Variants in DNAAF1 observed in about 807,000 individuals in gnomAD.
DNAAF1 encodes the protein dynein axonemal assembly factor 1.
In DNAAF1, 65 loss-of-function variants were observed where a neutral mutation model predicts 71.1. The ratio of observed to expected loss-of-function variants is 0.91; its 90% confidence interval spans 0.75 to 1.12. The LOEUF (loss-of-function observed/expected upper bound fraction) is 1.12. Among genes scored for constraint, DNAAF1 ranks in the 50% most tolerant of loss-of-function variants. The pLI is 0.00. For synonymous variants in DNAAF1, 414 were observed against 354.6 expected, an observed-to-expected ratio of 1.17 and a Z score of -1.88; for missense variants, 1,178 against 899.8, an observed-to-expected ratio of 1.31 and a Z score of -3.96.
chr16:84,156,546 T>G lies in DNAAF1; in HGVS notation c.741+797T>G, dbSNP rs555723578. Among the ~76,000 whole-genome samples, 6 of 152,222 alleles carry G rather than the reference T, an allele frequency of 3.9e-5. No homozygotes were observed. In the South Asian group the frequency reaches 1.2e-3, roughly 31 times the overall value. ...AAGATTCACTAGTGGGTTCAGATATTGTCAGCCTGGTCTAGCCATTATGAA... is the reference window on the plus strand; with the variant it reads ...AAGATTCACTAGTGGGTTCAGATATGGTCAGCCTGGTCTAGCCATTATGAA... On this transcript the variant is annotated intron_variant, in intron 5 of 11. Coordinates refer to ENST00000378553, the MANE Select transcript of DNAAF1 (RefSeq NM_178452.6).
chr16:84,165,881 T>C lies in DNAAF1; in HGVS notation c.962T>C (p.Ile321Thr), dbSNP rs367822030. Reference sequence around the variant, plus strand: ...GAGCGGAAGAAGATCACAGACAGCATTGAAGCCTTGGCCATGATCAAGCAG... The same window carrying C: ...GAGCGGAAGAAGATCACAGACAGCACTGAAGCCTTGGCCATGATCAAGCAG... ...SRERKKITDS[I>T]EALAMIKQRA... The change falls in exon 7 of 12, where the codon ATT becomes ACT. Residue 321 changes from isoleucine (I) to threonine (T), a missense_variant. Ile to Thr is a moderately conservative substitution (Grantham distance 89). Coordinates refer to ENST00000378553, the MANE Select transcript of DNAAF1 (RefSeq NM_178452.6). 23 of 1,613,292 alleles carry C rather than the reference T, an allele frequency of 1.4e-5. No homozygotes were observed. In the Middle Eastern group the frequency reaches 5.0e-4, roughly 35 times the overall value.
At chr16:84,167,835 G>C (rs1427731983) in intron 7 of DNAAF1, among the ~76,000 whole-genome samples, 2 of 152,194 alleles carry the variant, frequency 1.3e-5, no homozygotes, top group East Asian at 3.9e-4. Context: ...GAACAACATG[G>C]AGAAACCCCG....
Position 84,170,647 on chromosome 16 carries a change from A to AAT in DNAAF1, c.1528+293_1528+294dup, listed in dbSNP as rs5818485. 0.31 allele frequency among the ~76,000 whole-genome samples: 46,883 copies of AAT among 151,678 alleles called. 7,795 individuals carry two copies. Among genetic ancestry groups the AAT allele is most frequent in the Non-Finnish European group, 0.37 (25,210 of 67,826 alleles). On this transcript the variant is annotated intron_variant, in intron 8 of 11. Transcript: ENST00000378553. ...CCAGGAGTTTCAGACCAGCCTCAGAAATACAGAGACCTCATCCCTACCAAA... is the reference window on the plus strand; with the variant it reads ...CCAGGAGTTTCAGACCAGCCTCAGAAATATACAGAGACCTCATCCCTACCAAA...
intron 7 of DNAAF1, among the ~76,000 whole-genome samples, chr16:84,166,370 CTT>C (rs535417461): frequency 2.5e-5 from 3 of 118,824 alleles, no homozygotes; most frequent in East Asian, 2.3e-4. Flanking sequence ...TTCTTTTTTT[CTT>C]TTTTTTTTTT....
At chr16:84,174,846 C>G in intron 10 of DNAAF1, 124 bp downstream of exon 10, 2 of 1,225,752 alleles carry the variant, frequency 1.6e-6, no homozygotes, top group Non-Finnish European at 2.4e-6. Context: ...TTGAATTCCC[C>G]CATATTCTTT....
intron 2 of DNAAF1, among the ~76,000 whole-genome samples, chr16:84,149,850 C>T (rs1399481012): frequency 7.4e-6 from 1 of 135,480 alleles, no homozygotes; most frequent in African/African-American, 2.6e-5. Flanking sequence ...CATGGTGAAA[C>T]CCCCCCTCTA....
chr16:84,148,343 G>C (rs2087011019), intron 1 of DNAAF1, among the ~76,000 whole-genome samples: 1 of 151,936 alleles, frequency 6.6e-6, no homozygotes, highest in Non-Finnish European at 1.5e-5. Context: ...TGTAGTTCTA[G>C]TGCATTCTTC....
At position 84,177,803 on chromosome 16, in the gene DNAAF1, T is replaced by TG. The variant is rs778862178; in HGVS notation, c.2143dup (p.Asp715GlyfsTer19). On this transcript the variant is annotated frameshift_variant, in exon 12 of 12. Transcript: ENST00000378553. LOFTEE classifies it low-confidence loss of function (END_TRUNC). ...CCAGCCCAGCCAAGCTCTGCCCACG[T>TG]GGGACCTCACTGCATTCCCAGCACC... The TG allele has an allele frequency of 3.7e-6, 6 of 1,614,010 alleles. No homozygotes were observed. The Admixed American group carries it at 8.3e-5, about 22-fold the overall frequency.
At chr16:84,174,390 C>G in intron 9 of DNAAF1, 3 of 1,337,310 alleles carry the variant, frequency 2.2e-6, no homozygotes, top group South Asian at 1.6e-5. Context: ...GGCTGTGTCT[C>G]TTAATAAAAA....
chr16:84,158,263 A>T (rs2087537812), intron 5 of DNAAF1, among the ~76,000 whole-genome samples: 2 of 152,146 alleles, frequency 1.3e-5, no homozygotes, highest in African/African-American at 4.8e-5. Context: ...CTGGAGACTG[A>T]AAGTCAAGAG....
Position 84,155,627 on chromosome 16 carries a change from C to G in DNAAF1, c.619C>G (p.Leu207Val), listed in dbSNP as rs139743343. 728 of 1,614,200 alleles carry G rather than the reference C, an allele frequency of 4.5e-4. 1 individual carries two copies. Among genetic ancestry groups the G allele is most frequent in the Non-Finnish European group, 6.0e-4 (709 of 1,180,032 alleles). Residue 207 changes from leucine to valine, a missense_variant, in exon 5 of 12, where the codon CTG (leucine) becomes GTG (valine). By Grantham distance (32) the Leu-to-Val change is conservative (BLOSUM62 1). Coordinates refer to ENST00000378553, the MANE Select transcript of DNAAF1 (RefSeq NM_178452.6). ...LNTLQMAHNH[L>V]ETVEDIQHLQ... ...CACATTGCAGATGGCCCACAATCAC[C>G]TGGAGACCGTGGAGGACATTCAGCA...
chr16:84,158,627 T>C (rs1254615679), intron 5 of DNAAF1, among the ~76,000 whole-genome samples: 1 of 152,240 alleles, frequency 6.6e-6, no homozygotes, highest in East Asian at 1.9e-4. Context: ...CAACACCGTT[T>C]ACCCCTTTAT....
At chr16:84,177,469 T>C (rs1290627253) in intron 11 of DNAAF1, 2 of 406,428 alleles carry the variant, frequency 4.9e-6, no homozygotes, top group East Asian at 1.1e-4. Flanking sequence ...GCTGGTATTA[T>C]AGGGGCCTGC....
chr16:84,153,629 TAAA>T (rs1567539551), intron 3 of DNAAF1, among the ~76,000 whole-genome samples: 1 of 152,152 alleles, frequency 6.6e-6, no homozygotes, highest in East Asian at 1.9e-4. Flanking sequence ...AATTTTTTAA[TAAA>T]AACTTTTTCA....
At chr16:84,160,701 A>G (rs933817096) in intron 6 of DNAAF1, among the ~76,000 whole-genome samples, 60 of 151,678 alleles carry the variant, frequency 4.0e-4, no homozygotes, top group African/African-American at 1.3e-3. Context: ...TTGGGAGGCC[A>G]AGGCGGGCGG....
At chr16:84,167,709 T>C (rs114204987) in intron 7 of DNAAF1, among the ~76,000 whole-genome samples, 4,622 of 152,194 alleles carry the variant, frequency 0.03, 105 homozygotes, top group African/African-American at 0.047. Context: ...ACCACAAAAT[T>C]AGTGGCTTAA....
Position 84,149,108 on chromosome 16 carries a change from C to T in DNAAF1, c.226C>T (p.His76Tyr). 2 of 1,614,138 alleles carry T rather than the reference C, an allele frequency of 1.2e-6. No individual in the cohort carries two copies. Among genetic ancestry groups the T allele is most frequent in the South Asian group, 2.2e-5 (2 of 91,088 alleles). Residue 76 changes from histidine (H) to tyrosine (Y), a missense_variant, in exon 2 of 12, where the codon CAC becomes TAC. Transcript: ENST00000378553. ...GDNGSGGHFA[H>Y]PREDREDRGP... The stretch of plus-strand genomic sequence containing the variant: ...TAATGGGTCAGGTGGTCACTTCGCA[C>T]ACCCAAGAGAAGACAGGGAAGATCG...
Position 84,149,031 on chromosome 16 carries a change from G to A in DNAAF1, c.149G>A (p.Cys50Tyr), listed in dbSNP as rs747363759. Reference protein sequence around the residue: ...KEEINDPKEICVGSSDTSYHS... With the variant: ...KEEINDPKEIYVGSSDTSYHS... ...GAAATTAATGATCCTAAGGAAATAT[G>A]TGTGGGTTCTTCTGACACATCCTAC... Residue 50 changes from cysteine (C) to tyrosine (Y), a missense_variant, in exon 2 of 12, where the codon TGT (cysteine) becomes TAT (tyrosine). Physicochemically the swap from Cys to Tyr is radical, Grantham distance 194 (BLOSUM62 -2). Transcript: ENST00000378553. The A allele has an allele frequency of 1.2e-5, 20 of 1,613,946 alleles. No individual in the cohort carries two copies. The South Asian group carries it at 1.3e-4, about 11-fold the overall frequency.
In DNAAF1 at chr16:84,154,559, G is replaced by A. The variant is rs201504436; in HGVS notation, c.353-18G>A. On this transcript the variant is annotated intron_variant, in intron 3 of 11. Coordinates refer to ENST00000378553, the MANE Select transcript of DNAAF1 (RefSeq NM_178452.6). ...CTGGGAGTAGGAGCTTAATTCCCAC[G>A]TGCTTCCTTTTTGTTAGGTTTTGAT... The A allele has an allele frequency of 1.3e-4, 212 of 1,612,476 alleles. 4 individuals carry two copies. In the South Asian group the frequency reaches 1.6e-3, roughly 12 times the overall value.
Sources: gnomAD v4.1 joint callset for allele counts (sites outside exome capture counted in the v4.1 genomes callset) on GRCh38, gnomAD v4.1.1 for gene constraint, MANE v1.5 for transcripts, NCBI Gene and HGNC (gene_info 2026-07-23, HGNC 2026-07-21) for gene names.